Variants in RAB5C observed in about 807,000 individuals in gnomAD.
The protein encoded by RAB5C is RAB5C, member RAS oncogene family.
A neutral mutation model predicts 25.2 loss-of-function variants in RAB5C; 4 were observed. The observed-to-expected ratio is 0.16, with a 90% confidence interval of 0.08 to 0.36. The LOEUF (loss-of-function observed/expected upper bound fraction) is 0.36, where lower values mean the gene tolerates loss of function less well. Among genes scored for constraint, RAB5C ranks in the 10% least tolerant of loss-of-function variants. The probability of loss-of-function intolerance (pLI) is 1.00; values close to 1 mark genes in which losing one functional copy is unlikely to be tolerated. For synonymous variants in RAB5C, 100 were observed against 106.4 expected, an observed-to-expected ratio of 0.94 and a Z score of 0.37; for missense variants, 199 against 283.8, an observed-to-expected ratio of 0.70 and a Z score of 2.15.
intron 2 of RAB5C, among the ~76,000 whole-genome samples, chr17:42,129,216 C>T (rs2054461558): frequency 6.6e-6 from 1 of 152,144 alleles, no homozygotes; most frequent in South Asian, 2.1e-4. Context: ...CTCCACCCCT[C>T]AGTTTGCTCC....
intron 1 of RAB5C, among the ~76,000 whole-genome samples, chr17:42,131,994 T>G (rs898378582): frequency 1.3e-5 from 2 of 152,184 alleles, no homozygotes; most frequent in Non-Finnish European, 2.9e-5. Flanking sequence ...GGCTGCCCTT[T>G]GCATAATGGA....
chr17:42,131,108 T>C (rs920754879), intron 1 of RAB5C, among the ~76,000 whole-genome samples: 1 of 152,162 alleles, frequency 6.6e-6, no homozygotes, highest in African/African-American at 2.4e-5. Context: ...GAGAAGGTGC[T>C]TGGCCAACCT....
intron 1 of RAB5C, among the ~76,000 whole-genome samples, chr17:42,140,777 C>T (rs1350476668): frequency 6.6e-6 from 1 of 152,100 alleles, no homozygotes; most frequent in Non-Finnish European, 1.5e-5. Flanking sequence ...CCGCCTGCCT[C>T]AGCCTCCCAA....
chr17:42,128,544 C>G, intron 3 of RAB5C, 105 bp downstream of exon 3: 2 of 536,872 alleles, frequency 3.7e-6, no homozygotes, highest in Non-Finnish European at 5.9e-6. Context: ...CACCCCCCAC[C>G]CAGGAACAGA....
At chr17:42,153,138 G>T (rs567077008) in intron 1 of RAB5C, among the ~76,000 whole-genome samples, 1 of 152,284 alleles carries the variant, frequency 6.6e-6, no homozygotes, top group African/African-American at 2.4e-5. Context: ...TAAGTAGGCC[G>T]GGCACGGTGG....
rs2079697513 is a variant in RAB5C, at chr17:42,154,905, G to A, written c.-101C>T. The A allele has an allele frequency of 6.6e-6, 1 of 152,440 alleles. No individual in the cohort carries two copies. Among genetic ancestry groups the A allele is most frequent in the Non-Finnish European group, 1.5e-5 (1 of 68,118 alleles). 9.4% of individuals were successfully genotyped at this position (152,440 alleles called of 1,614,324 possible). Reference sequence around the variant, plus strand: ...CAAGCATACTCACGGCGGCTCCGGGGCGGCGGCGTTACTTGGGGCCGGGGC... The same window carrying A: ...CAAGCATACTCACGGCGGCTCCGGGACGGCGGCGTTACTTGGGGCCGGGGC... On this transcript the variant is annotated 5_prime_UTR_variant, in exon 1 of 6. Coordinates refer to ENST00000346213, the MANE Select transcript of RAB5C (RefSeq NM_004583.4).
chr17:42,143,102 C>T (rs553030614), intron 1 of RAB5C, among the ~76,000 whole-genome samples: 29 of 152,292 alleles, frequency 1.9e-4, no homozygotes, highest in African/African-American at 7.0e-4. Context: ...AGTAGAACAA[C>T]AGCCAGCTAC....
intron 1 of RAB5C, among the ~76,000 whole-genome samples, chr17:42,145,901 G>C (rs2079632419): frequency 6.6e-6 from 1 of 152,148 alleles, no homozygotes; most frequent in Non-Finnish European, 1.5e-5. Context: ...TCTGCCTCCT[G>C]GTTCAAGCGA....
At position 42,125,372 on chromosome 17, in the gene RAB5C, TGAG is replaced by T. The variant is rs1555668477; in HGVS notation, c.*408_*410del. 1 of 156,368 alleles carries T rather than the reference TGAG, an allele frequency of 6.4e-6. No homozygotes were observed. The highest frequency in any genetic ancestry group is 1.4e-5 in the Non-Finnish European group (1 of 70,768). The allele number at this position is 156,368 out of a possible 1,614,324, so 9.7% of individuals were successfully genotyped here. A position where few individuals can be genotyped will look rare whatever the true frequency, so the allele number is the denominator to read the frequency against. Reference sequence around the variant, plus strand: ...AAACCAAAGACCACTCCGAACAAAGTGAGGATGTGGATGCTCTTGCTGGGTCCG... The same window carrying T: ...AAACCAAAGACCACTCCGAACAAAGTGATGTGGATGCTCTTGCTGGGTCCG... On this transcript the variant is annotated 3_prime_UTR_variant, in exon 6 of 6. Transcript: ENST00000346213.
intron 4 of RAB5C, among the ~76,000 whole-genome samples, chr17:42,127,196 C>A (rs190340893): frequency 4.7e-4 from 72 of 152,322 alleles, no homozygotes; most frequent in Non-Finnish European, 7.6e-4. Context: ...ATGTCTACTG[C>A]AGCACTGTTT....
chr17:42,144,247 T>C lies in RAB5C; in HGVS notation c.-89+10646A>G, dbSNP rs1427899793. On this transcript the variant is annotated intron_variant, in intron 1 of 5. Transcript: ENST00000346213. ...CGAGGCAGGTGGATCACCTGAGGCC[T>C]GGAGCTTGAGACCAACCTGGCCAAC... Among the ~76,000 whole-genome samples, 21 of 146,464 alleles carry C rather than the reference T, an allele frequency of 1.4e-4. No individual in the cohort carries two copies. The East Asian group carries it at 4.4e-3, about 31-fold the overall frequency.
At chr17:42,147,128 AAGAAAGAAAGAAAGAAAGAG>A (rs1568025109) in intron 1 of RAB5C, among the ~76,000 whole-genome samples, 2 of 144,264 alleles carry the variant, frequency 1.4e-5, no homozygotes, top group Non-Finnish European at 3.0e-5. Flanking sequence ...AAGAAACAGA[AAGAAAGAAAGAAAGAAAGAG>A]AGAGAGAGAG....
intron 1 of RAB5C, among the ~76,000 whole-genome samples, chr17:42,149,732 A>G (rs1598259244): frequency 6.6e-6 from 1 of 152,318 alleles, no homozygotes; most frequent in Non-Finnish European, 1.5e-5. Context: ...TCTCTTCTGT[A>G]AAATGGGAAT....
Position 42,125,645 on chromosome 17 carries a change from T to C in RAB5C, c.*138A>G, listed in dbSNP as rs1299002541. 1.6e-6 allele frequency: 1 copy of C among 614,516 alleles called. No individual in the cohort carries two copies. Among genetic ancestry groups the C allele is most frequent in the Admixed American group, 2.8e-5 (1 of 35,802 alleles). 38.1% of individuals were successfully genotyped at this position (614,516 alleles called of 1,614,324 possible). On this transcript the variant is annotated 3_prime_UTR_variant, in exon 6 of 6. Transcript: ENST00000346213. The stretch of plus-strand genomic sequence containing the variant: ...ACTCACTCCGGCCTATGATCAAAAT[T>C]ATATGGAGAAATCATGGTGGACCCC...
At chr17:42,144,064 AC>A (rs2079617730) in intron 1 of RAB5C, among the ~76,000 whole-genome samples, 2 of 152,100 alleles carry the variant, frequency 1.3e-5, no homozygotes, top group African/African-American at 4.8e-5. Flanking sequence ...GGGAATACAA[AC>A]GCGAGCCACT....
chr17:42,148,948 A>G (rs891707988), intron 1 of RAB5C, among the ~76,000 whole-genome samples: 1 of 152,176 alleles, frequency 6.6e-6, no homozygotes, highest in African/African-American at 2.4e-5. Flanking sequence ...GAGTCAACAC[A>G]TAGGGCTCAC....
chr17:42,152,150 T>C (rs1478993364), intron 1 of RAB5C, among the ~76,000 whole-genome samples: 2 of 151,900 alleles, frequency 1.3e-5, no homozygotes, highest in East Asian at 3.9e-4. Context: ...TAATAAAAAT[T>C]AAAAACAAAG....
chr17:42,154,105 GT>G (rs2079689941), intron 1 of RAB5C, among the ~76,000 whole-genome samples: 1 of 152,114 alleles, frequency 6.6e-6, no homozygotes, highest in Non-Finnish European at 1.5e-5. Flanking sequence ...AACCACTCAC[GT>G]GCTCTGGGAG....
intron 1 of RAB5C, chr17:42,131,510 AAC>A: frequency 7.9e-7 from 1 of 1,267,744 alleles, no homozygotes; most frequent in Non-Finnish European, 1.1e-6. Context: ...ACCAAAACAA[AAC>A]ACACACCGAA....
Sources: allele counts gnomAD v4.1 joint callset (sites outside exome capture counted in the v4.1 genomes callset), GRCh38; gene constraint gnomAD v4.1.1; transcripts MANE v1.5; gene names NCBI Gene and HGNC (gene_info 2026-07-23, HGNC 2026-07-21).